FBXL22: variants seen among roughly 807,000 people sequenced by gnomAD.
The protein encoded by FBXL22 is F-box and leucine-rich protein 22.
FBXL22 carries 13 observed loss-of-function variants against 11.7 expected under a neutral mutation model. The ratio of observed to expected loss-of-function variants is 1.11; its 90% CI spans 0.73 to 1.77. The LOEUF (loss-of-function observed/expected upper bound fraction) is 1.77, where lower values mean the gene tolerates loss of function less well. Ranked by LOEUF, FBXL22 falls within the 40% of genes most tolerant of loss-of-function variation. The pLI is 0.00. For missense variants in FBXL22, 406 were observed against 320.4 expected (o/e 1.27, Z -2.04); for synonymous variants, 160 against 144.1 (o/e 1.11, Z -0.79).
chr15:63,601,209 T>A lies in FBXL22; in HGVS notation c.*170T>A. On this transcript the variant is annotated 3_prime_UTR_variant, in exon 2 of 2. Coordinates refer to ENST00000638704, the MANE Select transcript of FBXL22 (RefSeq NM_001367807.1). ...TCACGTTACGATTTTATACATAGGA[T>A]AAACGCAAGATTAAATGGATATTTG... 2 of 1,491,032 alleles carry A rather than the reference T, an allele frequency of 1.3e-6. No homozygotes were observed. The highest frequency in any genetic ancestry group is 1.8e-6 in the Non-Finnish European group (2 of 1,127,804). 92.4% of individuals were successfully genotyped at this position (1,491,032 alleles called of 1,614,324 possible). A position where few individuals can be genotyped will look rare whatever the true frequency, so the allele number is the denominator to read the frequency against.
chr15:63,601,245 G>A (rs767074316), downstream of FBXL22: 2 of 1,511,610 alleles, frequency 1.3e-6, no homozygotes, highest in South Asian at 1.3e-5. Flanking sequence ...GAAAACACTC[G>A]GCTGGTTCTC....
At chr15:63,599,738 T>C in intron 1 of FBXL22, 2 of 986,516 alleles carry the variant, frequency 2.0e-6, no homozygotes, top group Non-Finnish European at 2.4e-6. Flanking sequence ...CAGCCCAGAC[T>C]CTAGCTCCCT....
intron 1 of FBXL22, chr15:63,599,048 G>T: frequency 1.4e-6 from 1 of 727,430 alleles, no homozygotes; most frequent in East Asian, 2.7e-5. Context: ...GCACTCTGCT[G>T]AGCCGCTCAG....
chr15:63,603,199 AAAT>A (rs2067394326), downstream of FBXL22, among the ~76,000 whole-genome samples: 1 of 152,216 alleles, frequency 6.6e-6, no homozygotes, highest in African/African-American at 2.4e-5. Flanking sequence ...ACCATTGTTA[AAAT>A]AATGTCAATC....
downstream of FBXL22, chr15:63,602,261 GAA>G (rs1275653755): frequency 2.6e-5 from 4 of 152,378 alleles, no homozygotes; most frequent in African/African-American, 7.2e-5. Flanking sequence ...TCTAGTGGGG[GAA>G]GAGACAACAG....
chr15:63,602,809 T>C (rs1485857245), downstream of FBXL22, among the ~76,000 whole-genome samples: 3 of 152,088 alleles, frequency 2.0e-5, no homozygotes, highest in Non-Finnish European at 4.4e-5. Context: ...GGCCGCGGAC[T>C]ACAGGCATGG....
chr15:63,599,924 C>T (rs1037385403), intron 1 of FBXL22: 19 of 985,676 alleles, frequency 1.9e-5, no homozygotes, highest in Middle Eastern at 5.2e-4. Context: ...GAAATGAAGG[C>T]TCCGTGAGTG....
At chr15:63,601,560 G>GGTCGCCGTCTCATTA, downstream of FBXL22, 1 of 1,560,242 alleles carries the variant, frequency 6.4e-7, no homozygotes, top group Non-Finnish European at 8.7e-7. Flanking sequence ...TGATCTCGGT[G>GGTCGCCGTCTCATTA]AAGCAGGAGG....
Position 63,600,298 on chromosome 15 carries a change from T to C in FBXL22, c.354-399T>C, listed in dbSNP as rs141832393. On this transcript the variant is annotated intron_variant, in intron 1 of 1. Transcript: ENST00000638704. Reference sequence around the variant, plus strand: ...ACATTCAGGGGCCTCAGCTTGAAGCTAGACTGGAGCAATCGCCAAGCACCG... The same window carrying C: ...ACATTCAGGGGCCTCAGCTTGAAGCCAGACTGGAGCAATCGCCAAGCACCG... 288 of 1,009,016 alleles carry C rather than the reference T, an allele frequency of 2.9e-4. 2 individuals are homozygous for C. In the East Asian group the frequency reaches 0.019, roughly 68 times the overall value. The allele number at this position is 1,009,016 out of a possible 1,614,324, so 62.5% of individuals were successfully genotyped here.
At chr15:63,600,532 G>A in intron 1 of FBXL22, 165 bp from the exon 2 acceptor site, 1 of 1,229,092 alleles carries the variant, frequency 8.1e-7, no homozygotes. Flanking sequence ...GGGAAAATGG[G>A]CCGGCCAGAA....
chr15:63,601,320 G>C (rs1304765967), downstream of FBXL22: 1 of 1,594,306 alleles, frequency 6.3e-7, no homozygotes, highest in African/African-American at 1.4e-5. Flanking sequence ...GCTCCCCACG[G>C]AGGCGGGAGG....
rs749487232 is a variant in FBXL22 at position 63,599,284 on chromosome 15, GTCCGC to G, written c.354-1410_354-1406del. ...CTGAGGATGGCTGGGCAGGGGGACAGTCCGCTCTTTGTTTTTTCCCTGTATCAGAA... is the reference window on the plus strand; with the variant it reads ...CTGAGGATGGCTGGGCAGGGGGACAGTCTTTGTTTTTTCCCTGTATCAGAA... On this transcript the variant is annotated intron_variant, in intron 1 of 1. Transcript: ENST00000638704. 780 of 1,496,510 alleles carry G rather than the reference GTCCGC, an allele frequency of 5.2e-4. 5 individuals carry two copies. The highest frequency in any genetic ancestry group is 2.2e-4 in the Non-Finnish European group (250 of 1,131,312). 92.7% of individuals were successfully genotyped at this position (1,496,510 alleles called of 1,614,324 possible). A position where few individuals can be genotyped will look rare whatever the true frequency, so the allele number is the denominator to read the frequency against.
intron 1 of FBXL22, 63 bp from the exon 2 acceptor site, chr15:63,600,634 C>T: frequency 8.1e-7 from 1 of 1,230,942 alleles, no homozygotes; most frequent in Middle Eastern, 3.1e-4. Context: ...CACTCGGTCC[C>T]ATGGGGCGGT....
At position 63,597,509 on chromosome 15, in the gene FBXL22, C is replaced by G; in HGVS notation, c.117C>G (p.Leu39=). The change falls in exon 1 of 2, where the codon CTC becomes CTG. Residue 39 remains leucine (L), a synonymous_variant. Coordinates refer to ENST00000638704, the MANE Select transcript of FBXL22 (RefSeq NM_001367807.1). This position sits in a 1 kb window ranked among gnomAD's most constrained non-coding sequence, Gnocchi z 4.3. Reference sequence around the variant, plus strand: ...GCCTTGCCAGGACCTGCTCCCAGCTCCACGACGTGTTTGAGGACCCCGCAC... The same window carrying G: ...GCCTTGCCAGGACCTGCTCCCAGCTGCACGACGTGTTTGAGGACCCCGCAC... ...RKSLARTCSQ[L]HDVFEDPALW... 6.2e-7 allele frequency: 1 copy of G among 1,614,178 alleles called. No homozygotes were observed. The highest frequency in any genetic ancestry group is 2.2e-5 in the East Asian group (1 of 44,880).
chr15:63,597,516 G>T lies in FBXL22; in HGVS notation c.124G>T (p.Val42Leu). ...CAGGACCTGCTCCCAGCTCCACGAC[G>T]TGTTTGAGGACCCCGCACTCTGGTC... The part of the protein sequence containing the change: ...LARTCSQLHD[V>L]FEDPALWSLL... The change falls in exon 1 of 2, where the codon GTG (valine) becomes TTG (leucine). Residue 42 changes from valine (V) to leucine (L), a missense_variant. By Grantham distance (32) the Val-to-Leu change is conservative (BLOSUM62 1). Coordinates refer to ENST00000638704, the MANE Select transcript of FBXL22 (RefSeq NM_001367807.1). The surrounding 1 kb of genome is among the most constrained non-coding windows in gnomAD (Gnocchi z 4.3). The T allele has an allele frequency of 6.2e-7, 1 of 1,614,102 alleles. No homozygotes were observed. Among genetic ancestry groups the T allele is most frequent in the Non-Finnish European group, 8.5e-7 (1 of 1,180,018 alleles).
chr15:63,604,512 G>A (rs2067404258), downstream of FBXL22, among the ~76,000 whole-genome samples: 1 of 152,186 alleles, frequency 6.6e-6, no homozygotes, highest in Non-Finnish European at 1.5e-5. Context: ...TTTGGGTTCT[G>A]AAGTGAAGGG....
downstream of FBXL22, among the ~76,000 whole-genome samples, chr15:63,604,352 G>A (rs2067403618): frequency 6.6e-6 from 1 of 152,144 alleles, no homozygotes. Flanking sequence ...CTCTTTTGTA[G>A]TAAGGGTTAA....
At position 63,597,485 on chromosome 15, in the gene FBXL22, C is replaced by A. The variant is rs374010176; in HGVS notation, c.93C>A (p.Ser31Arg). The change falls in exon 1 of 2, where the codon AGC becomes AGA. Residue 31 changes from serine (S) to arginine (R), a missense_variant. Transcript: ENST00000638704. This position sits in a 1 kb window ranked among gnomAD's most constrained non-coding sequence, Gnocchi z 4.3. Reference sequence around the variant, plus strand: ...TCCTAGACAAGGACAGCAGGAAGAGCCTTGCCAGGACCTGCTCCCAGCTCC... The same window carrying A: ...TCCTAGACAAGGACAGCAGGAAGAGACTTGCCAGGACCTGCTCCCAGCTCC... Reference protein sequence around the residue: ...FSFLDKDSRKSLARTCSQLHD... With the variant: ...FSFLDKDSRKRLARTCSQLHD... The A allele has an allele frequency of 6.2e-7, 1 of 1,614,104 alleles. No individual in the cohort carries two copies. Among genetic ancestry groups the A allele is most frequent in the African/African-American group, 1.3e-5 (1 of 75,046 alleles).
chr15:63,599,879 A>G, intron 1 of FBXL22: 1 of 985,564 alleles, frequency 1.0e-6, no homozygotes, highest in Non-Finnish European at 1.2e-6. Context: ...GCTCCTCACA[A>G]CCCCAGTGGT....
Sources: gnomAD v4.1 joint callset for allele counts (sites outside exome capture counted in the v4.1 genomes callset) on GRCh38, gnomAD v4.1.1 for gene constraint, Gnocchi (gnomAD v3.1) non-coding constraint, MANE v1.5 for transcripts, NCBI Gene and HGNC (gene_info 2026-07-23, HGNC 2026-07-21) for gene names.